Variants in EFNA5 observed in about 807,000 individuals in gnomAD.
EFNA5 encodes the protein ephrin-A5.
Under a neutral mutation model 22.9 loss-of-function variants are expected in EFNA5, and 5 were observed. The ratio of observed to expected loss-of-function variants is 0.22; its 90% CI spans 0.11 to 0.46. The LOEUF (loss-of-function observed/expected upper bound fraction) is 0.46, where lower values mean the gene tolerates loss of function less well. Among genes scored for constraint, EFNA5 ranks in the 20% least tolerant of loss-of-function variants. The pLI is 0.99. For missense variants in EFNA5, 237 were observed against 293.3 expected (o/e 0.81, Z 1.40); for synonymous variants, 113 against 112.2 (o/e 1.01, Z -0.04).
chr5:107,531,127 G>A (rs1314581850), intron 1 of EFNA5, among the ~76,000 whole-genome samples: 1 of 152,156 alleles, frequency 6.6e-6, no homozygotes, highest in Non-Finnish European at 1.5e-5. Context: ...CTACACAAGA[G>A]TCAAAAGAGG....
chr5:107,493,589 C>G (rs1224514725), intron 1 of EFNA5, among the ~76,000 whole-genome samples: 3 of 152,206 alleles, frequency 2.0e-5, no homozygotes, highest in Non-Finnish European at 2.9e-5. Context: ...AAACCGAAGT[C>G]TTACATTTAC....
At chr5:107,524,433 G>A (rs927354167) in intron 1 of EFNA5, among the ~76,000 whole-genome samples, 2 of 152,172 alleles carry the variant, frequency 1.3e-5, no homozygotes, top group Non-Finnish European at 2.9e-5. Flanking sequence ...AAATGTCTAA[G>A]CATGTTAAAA....
intron 1 of EFNA5, among the ~76,000 whole-genome samples, chr5:107,530,551 T>A (rs1465235628): frequency 6.6e-6 from 1 of 152,232 alleles, no homozygotes; most frequent in African/African-American, 2.4e-5. Flanking sequence ...TTGGCTGTGA[T>A]TTCAAATGGC....
At chr5:107,396,448 C>A (rs1747928458) in intron 2 of EFNA5, among the ~76,000 whole-genome samples, 1 of 152,160 alleles carries the variant, frequency 6.6e-6, no homozygotes, top group Non-Finnish European at 1.5e-5. Context: ...CACTATTCTA[C>A]AGATTGATAG....
intron 1 of EFNA5, among the ~76,000 whole-genome samples, 175 bp from the exon 2 acceptor site, chr5:107,427,684 C>T (rs181622919): frequency 2.2e-4 from 33 of 151,558 alleles, no homozygotes; most frequent in Non-Finnish European, 3.7e-4. Flanking sequence ...CCAATCTAAG[C>T]CACAAAAAGC....
At chr5:107,410,777 C>T (rs534492315) in intron 2 of EFNA5, among the ~76,000 whole-genome samples, 2 of 152,318 alleles carry the variant, frequency 1.3e-5, no homozygotes, top group South Asian at 2.1e-4. Context: ...TCTAGCCTAA[C>T]TCCCTCTCTT....
intron 1 of EFNA5, among the ~76,000 whole-genome samples, chr5:107,585,839 TG>T (rs1338887565): frequency 6.6e-6 from 1 of 152,224 alleles, no homozygotes; most frequent in African/African-American, 2.4e-5. Context: ...TAAGAACATC[TG>T]GATGGCAATC....
At position 107,453,790 on chromosome 5, in the gene EFNA5, T is replaced by G. The variant is rs545893589; in HGVS notation, c.126-26281A>C. On this transcript the variant is annotated intron_variant, in intron 1 of 4. Transcript: ENST00000333274. ...TTATTGAAATACTTGTTGATATGAT[T>G]CAAGAGTGCTCAAGGCCATCTGATG... 2.0e-5 allele frequency among the ~76,000 whole-genome samples: 3 copies of G among 152,246 alleles called. No individual in the cohort carries two copies. The South Asian group carries it at 6.2e-4, about 32-fold the overall frequency.
In EFNA5 at chr5:107,642,413, T is replaced by A. The variant is rs560325900; in HGVS notation, c.125+28076A>T. Among the ~76,000 whole-genome samples, 11 of 149,166 alleles carry A rather than the reference T, an allele frequency of 7.4e-5. No individual in the cohort carries two copies. In the South Asian group the frequency reaches 2.3e-3, roughly 31 times the overall value. ...AGCCATTCCATGATGTATACACATA[T>A]ATCAAAATATCATTTTGTAGACCAT... On this transcript the variant is annotated intron_variant, in intron 1 of 4. Coordinates refer to ENST00000333274, the MANE Select transcript of EFNA5 (RefSeq NM_001962.3).
chr5:107,434,231 C>T (rs1464426053), intron 1 of EFNA5, among the ~76,000 whole-genome samples: 1 of 152,158 alleles, frequency 6.6e-6, no homozygotes, highest in Non-Finnish European at 1.5e-5. Flanking sequence ...GTACTCTGAC[C>T]CTGTCTCTTG....
In EFNA5 at chr5:107,448,473, G is replaced by A. The variant is rs564363627; in HGVS notation, c.126-20964C>T. 7.2e-5 allele frequency among the ~76,000 whole-genome samples: 11 copies of A among 152,228 alleles called. No individual in the cohort carries two copies. In the South Asian group the frequency reaches 1.9e-3, roughly 26 times the overall value. On this transcript the variant is annotated intron_variant, in intron 1 of 4. Transcript: ENST00000333274. ...AGAGCCTAAAGTAGGTCATTTGTGG[G>A]CTTAAGGAAAAGGAGATGGACAAGA...
intron 1 of EFNA5, among the ~76,000 whole-genome samples, chr5:107,490,715 G>A (rs892626885): frequency 6.6e-6 from 1 of 152,164 alleles, no homozygotes. Context: ...ACTGATACAG[G>A]TAAAGAAGTC....
At chr5:107,397,808 C>T (rs898747126) in intron 2 of EFNA5, among the ~76,000 whole-genome samples, 2 of 152,150 alleles carry the variant, frequency 1.3e-5, no homozygotes, top group Non-Finnish European at 2.9e-5. Context: ...CAGGATTGTA[C>T]ATTTTGTTTC....
intron 2 of EFNA5, among the ~76,000 whole-genome samples, chr5:107,423,242 T>C (rs1450474319): frequency 6.6e-6 from 1 of 152,152 alleles, no homozygotes; most frequent in African/African-American, 2.4e-5. Context: ...AAAGCATATA[T>C]TCAAATCAGT....
At chr5:107,516,946 A>G (rs1294094552) in intron 1 of EFNA5, among the ~76,000 whole-genome samples, 1 of 152,212 alleles carries the variant, frequency 6.6e-6, no homozygotes, top group Non-Finnish European at 1.5e-5. Context: ...AGGCAAGTAT[A>G]TAGAGACAGA....
chr5:107,581,028 C>G (rs1263467155), intron 1 of EFNA5, among the ~76,000 whole-genome samples: 1 of 152,160 alleles, frequency 6.6e-6, no homozygotes, highest in East Asian at 1.9e-4. Context: ...AGACTTTGAA[C>G]AAGAAATTTT....
At chr5:107,496,157 T>C (rs1364029952) in intron 1 of EFNA5, among the ~76,000 whole-genome samples, 1 of 131,190 alleles carries the variant, frequency 7.6e-6, no homozygotes, top group Admixed American at 8.0e-5. Context: ...GAAACCCCTG[T>C]CTCTGCTAAA....
At chr5:107,458,548 C>A (rs1418185611) in intron 1 of EFNA5, among the ~76,000 whole-genome samples, 2 of 151,576 alleles carry the variant, frequency 1.3e-5, no homozygotes, top group Non-Finnish European at 2.9e-5. Context: ...AAACAAGGTG[C>A]CTGGAACCTG....
At chr5:107,611,532 T>C (rs757371525) in intron 1 of EFNA5, among the ~76,000 whole-genome samples, 11 of 152,178 alleles carry the variant, frequency 7.2e-5, no homozygotes, top group Non-Finnish European at 1.5e-4. Context: ...GGTATGTAAA[T>C]ATATTAGGTT....
Sources: allele counts gnomAD v4.1 joint callset (sites outside exome capture counted in the v4.1 genomes callset), GRCh38; gene constraint gnomAD v4.1.1; transcripts MANE v1.5; gene names NCBI Gene and HGNC (gene_info 2026-07-23, HGNC 2026-07-21).